Variants in FRMD3 observed in about 807,000 individuals in gnomAD.
FRMD3 encodes the protein FERM domain-containing protein 3.
In FRMD3, 33 loss-of-function variants were observed where a neutral mutation model predicts 70.2. That is an observed-to-expected ratio of 0.47 (90% CI 0.36 to 0.63). The LOEUF (loss-of-function observed/expected upper bound fraction) is 0.63, where lower values mean the gene tolerates loss of function less well. Among genes scored for constraint, FRMD3 ranks in the 20% least tolerant of loss-of-function variants. The probability of loss-of-function intolerance (pLI) is 0.00; values close to 1 mark genes in which losing one functional copy is unlikely to be tolerated. For synonymous variants in FRMD3, 279 were observed against 255.9 expected (o/e 1.09, Z -0.86); for missense variants, 632 against 711.4 (o/e 0.89, Z 1.27).
chr9:83,432,369 A>G (rs1053823236), intron 1 of FRMD3, among the ~76,000 whole-genome samples: 17 of 152,176 alleles, frequency 1.1e-4, no homozygotes, highest in Non-Finnish European at 1.6e-4. Flanking sequence ...AAATACCGAG[A>G]GCACTGCCAG....
At chr9:83,376,159 T>A (rs1165885953) in intron 2 of FRMD3, among the ~76,000 whole-genome samples, 8 of 129,568 alleles carry the variant, frequency 6.2e-5, no homozygotes, top group Non-Finnish European at 9.6e-5. Context: ...AGATTCTGTT[T>A]AAAAAAAAAA....
At chr9:83,311,773 G>T in intron 8 of FRMD3, 114 bp downstream of exon 8, 1 of 780,082 alleles carries the variant, frequency 1.3e-6, no homozygotes, top group Non-Finnish European at 2.2e-6. Context: ...AAGCTCCAAG[G>T]CAAGGAAATG....
chr9:83,260,639 A>C (rs1832941234), intron 13 of FRMD3, among the ~76,000 whole-genome samples: 1 of 152,204 alleles, frequency 6.6e-6, no homozygotes, highest in Non-Finnish European at 1.5e-5. Flanking sequence ...ATGGTATCAT[A>C]GCCACGATAG....
At chr9:83,467,775 A>G (rs1245160203) in intron 1 of FRMD3, 7 of 1,429,212 alleles carry the variant, frequency 4.9e-6, no homozygotes, top group Admixed American at 2.6e-5. Flanking sequence ...TGAATACTGC[A>G]TTGTTTACCT....
the FRMD3 span, among the ~76,000 whole-genome samples, chr9:83,560,385 A>G: frequency 4.6e-5 from 7 of 152,190 alleles, no homozygotes; most frequent in Non-Finnish European, 5.9e-5. Flanking sequence ...TGCCCCAAAG[A>G]GACACTGCCC....
At chr9:83,451,389 T>TCACACA (rs10611241) in intron 1 of FRMD3, among the ~76,000 whole-genome samples, 2,736 of 147,482 alleles carry the variant, frequency 0.019, 31 homozygotes, top group African/African-American at 0.023. Flanking sequence ...AATACATACA[T>TCACACA]CACACACACA....
chr9:83,341,960 C>A (rs554577642), intron 5 of FRMD3, among the ~76,000 whole-genome samples: 1 of 151,972 alleles, frequency 6.6e-6, no homozygotes, highest in Non-Finnish European at 1.5e-5. Context: ...TTGTGGTAGG[C>A]AGATGATCAT....
chr9:83,318,131 T>C (rs375849966), intron 6 of FRMD3, among the ~76,000 whole-genome samples: 37 of 152,318 alleles, frequency 2.4e-4, no homozygotes, highest in Admixed American at 3.3e-4. Flanking sequence ...CTATTTTCTA[T>C]ATATTTAGGA....
Position 83,356,512 on chromosome 9 carries a change from G to A in FRMD3, c.296-6755C>T, listed in dbSNP as rs1824349357. Among the ~76,000 whole-genome samples, 3 of 151,606 alleles carry A rather than the reference G, an allele frequency of 2.0e-5. No homozygotes were observed. The South Asian group carries it at 6.2e-4, about 32-fold the overall frequency. On this transcript the variant is annotated intron_variant, in intron 3 of 13. Coordinates refer to ENST00000304195, the MANE Select transcript of FRMD3 (RefSeq NM_174938.6). ...AGGATGGTCTCGATCTCCTGACTTCGTGATCCGCCCACCTCGGCCTCCCAA... is the reference window on the plus strand; with the variant it reads ...AGGATGGTCTCGATCTCCTGACTTCATGATCCGCCCACCTCGGCCTCCCAA...
chr9:83,373,948 G>C (rs1177595796), intron 2 of FRMD3, among the ~76,000 whole-genome samples: 4 of 152,130 alleles, frequency 2.6e-5, no homozygotes, highest in African/African-American at 9.7e-5. Flanking sequence ...CATATTCTTT[G>C]ATGTAAATGC....
At chr9:83,527,949 C>T (rs1829718823) in intron 1 of FRMD3, among the ~76,000 whole-genome samples, 1 of 152,204 alleles carries the variant, frequency 6.6e-6, no homozygotes, top group South Asian at 2.1e-4. Flanking sequence ...CAATGCATAA[C>T]ACTTATGCCA....
At chr9:83,437,366 T>A (rs1827165788) in intron 1 of FRMD3, among the ~76,000 whole-genome samples, 1 of 152,208 alleles carries the variant, frequency 6.6e-6, no homozygotes, top group East Asian at 1.9e-4. Context: ...TATATAGACT[T>A]ACCATAAACC....
rs3083249 is a variant in FRMD3 at position 83,481,961 on chromosome 9, C to CAA, written c.147+56122_147+56123dup. ...ACACATAGAAAGTGCTGTTTCATAACAAAAAAAAAAAAAAACAGCAACAAC... is the reference window on the plus strand; with the variant it reads ...ACACATAGAAAGTGCTGTTTCATAACAAAAAAAAAAAAAAAAACAGCAACAAC... On this transcript the variant is annotated intron_variant, in intron 1 of 13. Transcript: ENST00000304195. Among the ~76,000 whole-genome samples the CAA allele has an allele frequency of 7.5e-5, 10 of 133,058 alleles. No individual in the cohort carries two copies. In the East Asian group the frequency reaches 1.0e-3, roughly 13 times the overall value. 87.3% of individuals were successfully genotyped at this position (133,058 alleles called of 152,430 possible). A position where few individuals can be genotyped will look rare whatever the true frequency, so the allele number is the denominator to read the frequency against.
chr9:83,424,813 C>T (rs771320771), intron 1 of FRMD3, among the ~76,000 whole-genome samples: 2 of 152,212 alleles, frequency 1.3e-5, no homozygotes, highest in African/African-American at 4.8e-5. Flanking sequence ...TAACTATCCA[C>T]ACAAAGTAGG....
intron 1 of FRMD3, among the ~76,000 whole-genome samples, chr9:83,415,028 A>G (rs1826390616): frequency 6.6e-6 from 1 of 152,178 alleles, no homozygotes. Context: ...GCCAGGTGCA[A>G]TGGGATGGGG....
chr9:83,298,946 C>A, intron 11 of FRMD3, 130 bp from the exon 12 acceptor site: 1 of 1,051,192 alleles, frequency 9.5e-7, no homozygotes, highest in Admixed American at 1.9e-5. Context: ...GGGAAAATTA[C>A]GGTAGAATTT....
chr9:83,378,390 G>A lies in FRMD3; in HGVS notation c.253-5435C>T, dbSNP rs191982834. Among the ~76,000 whole-genome samples, 553 of 145,614 alleles carry A rather than the reference G, an allele frequency of 3.8e-3. 2 individuals are homozygous for A. Among genetic ancestry groups the A allele is most frequent in the African/African-American group, 0.013 (525 of 39,694 alleles). On this transcript the variant is annotated intron_variant, in intron 2 of 13. Coordinates refer to ENST00000304195, the MANE Select transcript of FRMD3 (RefSeq NM_174938.6). ...CCTCCTGGGTTCAAGCAATTCTCCC[G>A]CCTCAGCCTCCAGAGTATCTGGGAC...
intron 2 of FRMD3, among the ~76,000 whole-genome samples, chr9:83,385,238 C>T (rs1483220232): frequency 1.3e-5 from 2 of 151,802 alleles, no homozygotes; most frequent in African/African-American, 2.4e-5. Flanking sequence ...TCTAGAATTA[C>T]TTCTAGACTT....
rs1027569382 is a variant in FRMD3 at position 83,537,317 on chromosome 9, T to C, written c.147+768A>G. Among the ~76,000 whole-genome samples the C allele has an allele frequency of 1.3e-5, 2 of 152,364 alleles. No individual in the cohort carries two copies. The highest frequency in any genetic ancestry group is 1.3e-4 in the Admixed American group (2 of 15,308). ...CTCCTCCAACTTGGGCGACAGTGAA[T>C]GTCCACCAAGATTCCACGGGGCTCT... On this transcript the variant is annotated intron_variant, in intron 1 of 13. Coordinates refer to ENST00000304195, the MANE Select transcript of FRMD3 (RefSeq NM_174938.6). The surrounding 1 kb of genome is among the most constrained non-coding windows in gnomAD (Gnocchi z 4.1).
Sources: gnomAD v4.1 joint callset for allele counts (sites outside exome capture counted in the v4.1 genomes callset) on GRCh38, gnomAD v4.1.1 for gene constraint, Gnocchi (gnomAD v3.1) non-coding constraint, MANE v1.5 for transcripts, NCBI Gene and HGNC (gene_info 2026-07-23, HGNC 2026-07-21) for gene names.